NRG4: variants seen among roughly 807,000 people sequenced by gnomAD.
NRG4 encodes the protein pro-neuregulin-4, membrane-bound isoform.
NRG4 carries 10 observed loss-of-function variants against 15.0 expected under a neutral mutation model. The ratio of observed to expected loss-of-function variants is 0.67; its 90% CI spans 0.41 to 1.13. The LOEUF is 1.13. Among genes scored for constraint, NRG4 ranks in the 50% most tolerant of loss-of-function variants. The probability of loss-of-function intolerance (pLI) is 0.00; values close to 1 mark genes in which losing one functional copy is unlikely to be tolerated. For missense variants in NRG4, 139 were observed against 140.2 expected (o/e 0.99, Z 0.04); for synonymous variants, 41 against 50.1 (o/e 0.82, Z 0.77).
intron 3 of NRG4, among the ~76,000 whole-genome samples, chr15:75,973,439 T>G (rs926499233): frequency 6.6e-6 from 1 of 152,212 alleles, no homozygotes; most frequent in African/African-American, 2.4e-5. Flanking sequence ...ATCCTTGTCT[T>G]GTGCTGGTTT....
intron 3 of NRG4, among the ~76,000 whole-genome samples, chr15:75,980,740 A>G (rs1257961669): frequency 1.3e-5 from 2 of 151,844 alleles, no homozygotes; most frequent in Non-Finnish European, 2.9e-5. Flanking sequence ...GTTCCAGATC[A>G]CTCTTTGCCT....
At chr15:75,971,769 T>C (rs1350328464) in intron 3 of NRG4, among the ~76,000 whole-genome samples, 2 of 152,114 alleles carry the variant, frequency 1.3e-5, no homozygotes, top group East Asian at 3.8e-4. Context: ...CTAAGAAACA[T>C]TTAAAAAAAA....
chr15:76,037,052 A>C (rs780703560), intron 4 of NRG4, among the ~76,000 whole-genome samples: 2 of 152,214 alleles, frequency 1.3e-5, no homozygotes, highest in Non-Finnish European at 2.9e-5. Context: ...AGGATACAAA[A>C]ATCAACATAC....
chr15:75,944,411 G>T (rs1273873357), intron 5 of NRG4, among the ~76,000 whole-genome samples: 2 of 152,144 alleles, frequency 1.3e-5, no homozygotes, highest in Non-Finnish European at 2.9e-5. Context: ...CAGTAGGGAT[G>T]GTGTCTAACA....
chr15:76,047,141 T>C lies in NRG4; in HGVS notation c.-105+4926A>G, dbSNP rs112393815. ...TCAATAAAAGATACTGGTGGGGATG[T>C]AGAGAAGGGAAAGCCCTCATATACT... is the stretch of plus-strand genomic sequence containing the variant. On this transcript the variant is annotated intron_variant, in intron 4 of 8. Transcript: ENST00000563910. Among the ~76,000 whole-genome samples, 187 of 150,752 alleles carry C rather than the reference T, an allele frequency of 1.2e-3. 3 individuals carry two copies. Among genetic ancestry groups the C allele is most frequent in the South Asian group, 8.1e-3 (39 of 4,798 alleles).
At chr15:76,025,000 A>T (rs571581027) in intron 5 of NRG4, among the ~76,000 whole-genome samples, 1 of 152,360 alleles carries the variant, frequency 6.6e-6, no homozygotes, top group African/African-American at 2.4e-5. Context: ...ACAAAAACAT[A>T]GGCAGAAAAA....
chr15:75,989,794 T>C (rs139666812), intron 3 of NRG4, among the ~76,000 whole-genome samples: 1 of 152,368 alleles, frequency 6.6e-6, no homozygotes, highest in Non-Finnish European at 1.5e-5. Flanking sequence ...ATTTGCCTGC[T>C]TCTTTGTATC....
chr15:75,968,965 T>C (rs1279790769), intron 3 of NRG4, among the ~76,000 whole-genome samples: 1 of 152,210 alleles, frequency 6.6e-6, no homozygotes, highest in Non-Finnish European at 1.5e-5. Flanking sequence ...AATATGTTAA[T>C]GGGCCTTTCC....
At chr15:75,968,585 TAAAA>T (rs71140190) in intron 3 of NRG4, among the ~76,000 whole-genome samples, 1 of 99,124 alleles carries the variant, frequency 1.0e-5, no homozygotes, top group African/African-American at 4.0e-5. Flanking sequence ...AAACTCCATC[TAAAA>T]AAAAAAAAAA....
chr15:76,035,462 T>C (rs1209239041), intron 5 of NRG4, among the ~76,000 whole-genome samples: 1 of 152,088 alleles, frequency 6.6e-6, no homozygotes, highest in Admixed American at 6.6e-5. Context: ...AGGTGAGCAA[T>C]AGGGAATGGG....
At chr15:76,045,712 G>A (rs1214092165) in intron 4 of NRG4, among the ~76,000 whole-genome samples, 1 of 150,826 alleles carries the variant, frequency 6.6e-6, no homozygotes, top group Non-Finnish European at 1.5e-5. Flanking sequence ...CTTATTTGTG[G>A]GAGCTAAAAA....
chr15:75,996,877 T>C (rs1278089664), intron 3 of NRG4, among the ~76,000 whole-genome samples: 1 of 152,206 alleles, frequency 6.6e-6, no homozygotes, highest in African/African-American at 2.4e-5. Flanking sequence ...TACACATCAC[T>C]ACTTGATGGC....
intron 5 of NRG4, among the ~76,000 whole-genome samples, chr15:76,028,019 AG>A (rs997216765): frequency 5.9e-5 from 9 of 152,176 alleles, no homozygotes; most frequent in Non-Finnish European, 1.3e-4. Flanking sequence ...ACACAGCAAA[AG>A]CAGTATTAAG....
chr15:75,968,409 G>A (rs1261103808), intron 3 of NRG4, among the ~76,000 whole-genome samples: 2 of 151,960 alleles, frequency 1.3e-5, no homozygotes, highest in African/African-American at 4.8e-5. Flanking sequence ...CCAACGTGGT[G>A]AAACCCCGTC....
At position 75,943,672 on chromosome 15, in the gene NRG4, GAATT is replaced by G. The variant is rs766780145; in HGVS notation, c.332-22_332-19del. The G allele has an allele frequency of 1.2e-3, 1,804 of 1,516,134 alleles. 5 individuals are homozygous for G. Among genetic ancestry groups the G allele is most frequent in the Middle Eastern group, 2.6e-3 (15 of 5,874 alleles). The allele number at this position is 1,516,134 out of a possible 1,614,324, so 93.9% of individuals were successfully genotyped here. A position where few individuals can be genotyped will look rare whatever the true frequency, so the allele number is the denominator to read the frequency against. On this transcript the variant is annotated intron_variant, in intron 5 of 5. Coordinates refer to ENST00000394907, the MANE Select transcript of NRG4 (RefSeq NM_138573.4). ...TTCATGACCTGTGAAAAATAAGTAA[GAATT>G]AAGATGCTTTCTCCATTGCAATGTT... is the stretch of plus-strand genomic sequence containing the variant.
chr15:76,030,074 C>T (rs180777675), intron 5 of NRG4, among the ~76,000 whole-genome samples: 22 of 152,016 alleles, frequency 1.4e-4, no homozygotes, highest in Non-Finnish European at 2.6e-4. Context: ...CTGGCTAACA[C>T]GGTGAAACCC....
At position 76,025,222 on chromosome 15, in the gene NRG4, G is replaced by A. The variant is rs334935; in HGVS notation, c.-57+10722C>T. Among the ~76,000 whole-genome samples, 1,350 of 151,950 alleles carry A rather than the reference G, an allele frequency of 8.9e-3. 24 individuals carry two copies. The highest frequency in any genetic ancestry group is 0.03 in the African/African-American group (1,242 of 41,454). On this transcript the variant is annotated intron_variant, in intron 5 of 8. Transcript: ENST00000563910. ...TGGGAGGCTGAGGCAGGTGGATCGC[G>A]AGGTCAGGAGATCGAGACCATCCTG...
chr15:76,016,078 G>A (rs548599210), upstream of NRG4, among the ~76,000 whole-genome samples: 21 of 152,088 alleles, frequency 1.4e-4, no homozygotes, highest in African/African-American at 5.1e-4. Context: ...GTGTTGGGAG[G>A]GGGTATGTGT....
In NRG4 at chr15:75,945,439, CAG is replaced by C. The variant is rs1404508032; in HGVS notation, c.332-1787_332-1786del. Among the ~76,000 whole-genome samples, 4 of 151,952 alleles carry C rather than the reference CAG, an allele frequency of 2.6e-5. No individual in the cohort carries two copies. The South Asian group carries it at 8.3e-4, about 32-fold the overall frequency. ...TTCATTTTTGTATTTTTAGTAGAGA[CAG>C]GGTTTCACCATGTTGGCCAGGCTGG... On this transcript the variant is annotated intron_variant, in intron 5 of 5. Transcript: ENST00000394907.
Sources: gnomAD v4.1 joint callset for allele counts (sites outside exome capture counted in the v4.1 genomes callset) on GRCh38, gnomAD v4.1.1 for gene constraint, MANE v1.5 for transcripts, NCBI Gene and HGNC (gene_info 2026-07-23, HGNC 2026-07-21) for gene names.